The following PMPCB variants were observed in gnomAD, a reference collection of about 807,000 sequenced individuals.
PMPCB encodes the protein peptidase, mitochondrial processing subunit beta, also known as mitochondrial-processing peptidase subunit beta.
In PMPCB, 46 loss-of-function variants were observed where a neutral mutation model predicts 61.5. The observed-to-expected ratio is 0.75, with a 90% CI of 0.59 to 0.96. PMPCB has a LOEUF of 0.96. PMPCB is among the 40% of genes least tolerant of loss of function. The pLI is 0.00. For synonymous variants in PMPCB, 191 were observed against 201.6 expected (o/e 0.95, Z 0.44); for missense variants, 590 against 602.4 (o/e 0.98, Z 0.22).
In PMPCB at chr7:103,321,803, G is replaced by A. The variant is rs188273318; in HGVS notation, c.*1432-7128G>A. 2.1e-3 allele frequency: 2,035 copies of A among 979,668 alleles called. 3 individuals are homozygous for A. Among genetic ancestry groups the A allele is most frequent in the Non-Finnish European group, 2.6e-3 (1,815 of 689,828 alleles). The allele number at this position is 979,668 out of a possible 1,614,324, so 60.7% of individuals were successfully genotyped here. ...GCGGAAATTGCGGTGAACTGAGATC[G>A]CGCCACTGCACTCCAGCCTGGGCGA... On this transcript the variant is annotated intron_variant and NMD_transcript_variant, in intron 12 of 12. Transcript: ENST00000444457.
intron 12 of PMPCB, among the ~76,000 whole-genome samples, chr7:103,323,940 A>G (rs377477650): frequency 3.3e-5 from 5 of 152,144 alleles, no homozygotes; most frequent in Non-Finnish European, 5.9e-5. Flanking sequence ...CTTGCCTTCA[A>G]TTTCGCTAGT....
At chr7:103,337,776 A>G in the PMPCB span, 2 of 1,613,784 alleles carry the variant, frequency 1.2e-6, no homozygotes, top group African/African-American at 1.3e-5. Flanking sequence ...TGTATCTCAC[A>G]TGGCCAAGTC....
the PMPCB span, chr7:103,337,380 C>A: frequency 6.0e-6 from 1 of 165,656 alleles, no homozygotes; most frequent in Non-Finnish European, 1.3e-5. Flanking sequence ...AAAAAAAAAC[C>A]AAAAACCAAA....
At chr7:103,298,420 C>CAG in intron 1 of PMPCB, 148 bp from the exon 2 acceptor site, 2 of 765,434 alleles carry the variant, frequency 2.6e-6, no homozygotes, top group Middle Eastern at 4.0e-4. Context: ...CTAGGCCAGG[C>CAG]AGAGATCTCA....
chr7:103,300,884 A>G (rs1444614354), intron 4 of PMPCB, among the ~76,000 whole-genome samples: 2 of 152,136 alleles, frequency 1.3e-5, no homozygotes, highest in East Asian at 3.8e-4. Context: ...GGGTTCTACC[A>G]TGTTGGCCAG....
intron 8 of PMPCB, among the ~76,000 whole-genome samples, chr7:103,309,725 C>T (rs1817685838): frequency 6.6e-6 from 1 of 152,122 alleles, no homozygotes; most frequent in Non-Finnish European, 1.5e-5. Context: ...CATTAATTTC[C>T]TTGTTTTTCA....
chr7:103,308,121 G>A (rs549225953), intron 7 of PMPCB, among the ~76,000 whole-genome samples: 2 of 152,260 alleles, frequency 1.3e-5, no homozygotes, highest in South Asian at 4.1e-4. Flanking sequence ...GTTTTGGGAG[G>A]GGGTAGTAAC....
chr7:103,300,594 CTG>C (rs967603320), intron 4 of PMPCB, among the ~76,000 whole-genome samples: 6 of 152,218 alleles, frequency 3.9e-5, no homozygotes, highest in African/African-American at 1.2e-4. Context: ...TGTTTGTAGA[CTG>C]TTTTGACTCT....
chr7:103,331,326 A>G (rs1315100230), downstream of PMPCB, among the ~76,000 whole-genome samples: 2 of 152,220 alleles, frequency 1.3e-5, no homozygotes, highest in African/African-American at 4.8e-5. Flanking sequence ...TTGGGTATCT[A>G]TCAACTTGAG....
the PMPCB span, among the ~76,000 whole-genome samples, chr7:103,346,427 G>T: frequency 2.1e-4 from 32 of 152,250 alleles, no homozygotes; most frequent in Middle Eastern, 3.4e-3. Flanking sequence ...CACGGTGCCC[G>T]GTCGGGGGTT....
chr7:103,322,863 T>C (rs1268893401), intron 12 of PMPCB: 16 of 1,181,384 alleles, frequency 1.4e-5, no homozygotes, highest in Non-Finnish European at 1.8e-5. Flanking sequence ...TGCAATATTT[T>C]ATAAAATATT....
chr7:103,321,834 C>T, intron 12 of PMPCB: 7 of 1,394,402 alleles, frequency 5.0e-6, no homozygotes, highest in South Asian at 2.8e-5. Flanking sequence ...GGCGACAGAG[C>T]GAGACCCCAT....
At chr7:103,336,358 T>C in the PMPCB span, 4 of 152,220 alleles carry the variant, frequency 2.6e-5, no homozygotes, top group Non-Finnish European at 5.9e-5. Context: ...TTCTATTTTT[T>C]CGGAAACAGA....
At chr7:103,340,569 T>G in the PMPCB span, among the ~76,000 whole-genome samples, 1 of 152,198 alleles carries the variant, frequency 6.6e-6, no homozygotes, top group South Asian at 2.1e-4. Flanking sequence ...ACAATCTCAC[T>G]GTAGCAACAA....
At chr7:103,320,572 AAC>A (rs1264146736) in intron 12 of PMPCB, among the ~76,000 whole-genome samples, 1 of 151,158 alleles carries the variant, frequency 6.6e-6, no homozygotes, top group Non-Finnish European at 1.5e-5. Context: ...CATCCTGGCT[AAC>A]ACAGTGAAAC....
downstream of PMPCB, chr7:103,319,612 T>G (rs1818270876): frequency 6.2e-7 from 1 of 1,613,940 alleles, no homozygotes; most frequent in African/African-American, 1.3e-5. Flanking sequence ...CTATTACCTG[T>G]TTTTCCAAAG....
chr7:103,304,389 A>G, intron 5 of PMPCB, 22 bp from the exon 6 acceptor site: 5 of 1,394,704 alleles, frequency 3.6e-6, no homozygotes, highest in Non-Finnish European at 5.1e-6. Context: ...TTCCTTTAAA[A>G]ATTGTTTTAC....
At chr7:103,316,320 T>C (rs534160830), downstream of PMPCB, 3 of 349,650 alleles carry the variant, frequency 8.6e-6, no homozygotes, top group South Asian at 2.7e-4. Flanking sequence ...ATCTTACAGA[T>C]TTGGTGTACA....
the PMPCB span, among the ~76,000 whole-genome samples, chr7:103,345,483 C>A: frequency 2.0e-5 from 3 of 152,110 alleles, no homozygotes; most frequent in East Asian, 5.8e-4. Context: ...ACAGCAGTAT[C>A]TGAAACAGGT....
Sources: gnomAD v4.1 joint callset for allele counts (sites outside exome capture counted in the v4.1 genomes callset) on GRCh38, gnomAD v4.1.1 for gene constraint, MANE v1.5 for transcripts, NCBI Gene and HGNC (gene_info 2026-07-23, HGNC 2026-07-21) for gene names.